Variants in MYZAP observed in about 807,000 individuals in gnomAD.
MYZAP encodes the protein GRINL1A complex locus upstream.
In MYZAP, 66 loss-of-function variants were observed where a neutral mutation model predicts 69.4. The observed-to-expected ratio is 0.95, with a 90% CI of 0.78 to 1.17. The LOEUF (loss-of-function observed/expected upper bound fraction) is 1.17. MYZAP is among the 50% of genes most tolerant of loss of function. The probability of loss-of-function intolerance (pLI) is 0.00; values close to 1 mark genes in which losing one functional copy is unlikely to be tolerated. For missense variants in MYZAP, 611 were observed against 556.2 expected (o/e 1.10, Z -0.99); for synonymous variants, 256 against 205.9 (o/e 1.24, Z -2.09).
At chr15:57,611,402 C>A (rs143229680) in intron 2 of MYZAP, among the ~76,000 whole-genome samples, 2 of 152,168 alleles carry the variant, frequency 1.3e-5, no homozygotes, top group Non-Finnish European at 2.9e-5. Context: ...GTGTACTATA[C>A]CCCTGGGTTC....
chr15:57,638,848 C>G (rs1426009107), intron 9 of MYZAP, among the ~76,000 whole-genome samples: 1 of 152,148 alleles, frequency 6.6e-6, no homozygotes, highest in African/African-American at 2.4e-5. Context: ...TTGCTGGACC[C>G]CTTCTTCCCC....
At chr15:57,595,640 G>C (rs1180533256) in intron 1 of MYZAP, among the ~76,000 whole-genome samples, 3 of 152,120 alleles carry the variant, frequency 2.0e-5, no homozygotes, top group African/African-American at 7.2e-5. Flanking sequence ...TGGCTAAGCT[G>C]TTCTGATCCT....
At chr15:57,628,022 T>C (rs2036265355) in intron 5 of MYZAP, among the ~76,000 whole-genome samples, 1 of 152,134 alleles carries the variant, frequency 6.6e-6, no homozygotes, top group Non-Finnish European at 1.5e-5. Flanking sequence ...GCTTATATTG[T>C]CCAAAGTAGA....
Position 57,674,958 on chromosome 15 carries a change from T to C in MYZAP, c.1204-10T>C. On this transcript the variant is annotated splice_polypyrimidine_tract_variant and intron_variant, in intron 11 of 12. Coordinates refer to ENST00000267853, the MANE Select transcript of MYZAP (RefSeq NM_001018100.5). ...GACTTACTGAAAGTACCTTTTTTTC[T>C]CATCTCCAGAATAATGAACTACAAA... The C allele has an allele frequency of 2.5e-6, 4 of 1,605,182 alleles. No individual in the cohort carries two copies. Among genetic ancestry groups the C allele is most frequent in the Non-Finnish European group, 3.4e-6 (4 of 1,176,796 alleles).
At chr15:57,671,006 T>A (rs2038841271) in intron 11 of MYZAP, among the ~76,000 whole-genome samples, 2 of 152,116 alleles carry the variant, frequency 1.3e-5, no homozygotes, top group East Asian at 3.9e-4. Context: ...TTAAAGAAAT[T>A]AAGAGAAACT....
At chr15:57,638,898 TTAA>T (rs2036969098) in intron 9 of MYZAP, among the ~76,000 whole-genome samples, 1 of 152,212 alleles carries the variant, frequency 6.6e-6, no homozygotes, top group African/African-American at 2.4e-5. Flanking sequence ...TTCCAATATG[TTAA>T]TAACCCCAAA....
intron 7 of MYZAP, among the ~76,000 whole-genome samples, chr15:57,633,137 G>A (rs1204362740): frequency 1.3e-5 from 2 of 152,222 alleles, no homozygotes; most frequent in African/African-American, 2.4e-5. Flanking sequence ...GGGACTCCAT[G>A]TCTGGCTCAT....
intron 10 of MYZAP, chr15:57,646,388 C>T: frequency 8.7e-7 from 1 of 1,149,446 alleles, no homozygotes; most frequent in Non-Finnish European, 1.1e-6. Flanking sequence ...TACTGTCACC[C>T]TGACTTGTAC....
At chr15:57,680,454 GT>G (rs777738322) in intron 12 of MYZAP, among the ~76,000 whole-genome samples, 48 of 151,344 alleles carry the variant, frequency 3.2e-4, no homozygotes, top group Non-Finnish European at 6.2e-4. Flanking sequence ...AAGGGAAGGG[GT>G]GAGAGGGGAC....
intron 1 of MYZAP, among the ~76,000 whole-genome samples, chr15:57,596,624 C>T (rs574691056): frequency 2.0e-5 from 3 of 152,288 alleles, no homozygotes; most frequent in East Asian, 1.9e-4. Flanking sequence ...TCTCCTGACT[C>T]GTCTGCTTCA....
intron 1 of MYZAP, among the ~76,000 whole-genome samples, chr15:57,598,698 A>G (rs1283311023): frequency 6.6e-6 from 1 of 152,200 alleles, no homozygotes; most frequent in East Asian, 1.9e-4. Flanking sequence ...GTGCTTCTCT[A>G]TCATGCATTT....
At chr15:57,667,944 C>T (rs1292757491) in intron 11 of MYZAP, among the ~76,000 whole-genome samples, 2 of 151,952 alleles carry the variant, frequency 1.3e-5, no homozygotes, top group South Asian at 4.2e-4. Flanking sequence ...AATTCTTGAT[C>T]TTTTTTTTCT....
intron 10 of MYZAP, among the ~76,000 whole-genome samples, chr15:57,654,029 A>AAAAAAAAAAAAAAT (rs2037868038): frequency 2.8e-5 from 1 of 35,704 alleles, no homozygotes; most frequent in African/African-American, 6.9e-5. Flanking sequence ...AAAAAAAAAA[A>AAAAAAAAAAAAAAT]AAAGTCCCTA....
At chr15:57,608,119 C>A (rs879630757) in intron 2 of MYZAP, among the ~76,000 whole-genome samples, 3 of 152,210 alleles carry the variant, frequency 2.0e-5, no homozygotes, top group Non-Finnish European at 2.9e-5. Context: ...CGATTGACTT[C>A]TGTTGCAGTG....
At chr15:57,633,492 C>T (rs1186330705) in intron 7 of MYZAP, 121 bp from the exon 8 acceptor site, 40 of 1,345,922 alleles carry the variant, frequency 3.0e-5, no homozygotes, top group African/African-American at 5.9e-5. Context: ...GAGACACTTT[C>T]AGGTTCCAAG....
chr15:57,643,837 T>C (rs1254683665), intron 10 of MYZAP, among the ~76,000 whole-genome samples: 2 of 152,150 alleles, frequency 1.3e-5, no homozygotes, highest in South Asian at 2.1e-4. Context: ...ATTTGTGATA[T>C]AGGAAATGTT....
chr15:57,677,796 G>T (rs2039214989), intron 12 of MYZAP, among the ~76,000 whole-genome samples: 1 of 152,152 alleles, frequency 6.6e-6, no homozygotes, highest in Non-Finnish European at 1.5e-5. Flanking sequence ...TCAGCCTTGG[G>T]CAAGTTACTT....
intron 11 of MYZAP, 129 bp downstream of exon 11, chr15:57,661,662 T>C (rs1224933557): frequency 1.3e-6 from 1 of 787,300 alleles, no homozygotes; most frequent in Admixed American, 3.4e-5. Flanking sequence ...GAGGGTTAAG[T>C]GCCAGCCTTG....
At chr15:57,600,302 C>G (rs756974772) in intron 1 of MYZAP, among the ~76,000 whole-genome samples, 2 of 152,206 alleles carry the variant, frequency 1.3e-5, no homozygotes, top group Admixed American at 6.5e-5. Flanking sequence ...ATCAAAGCAC[C>G]TCTGTTGACA....
Sources: gnomAD v4.1 joint callset for allele counts (sites outside exome capture counted in the v4.1 genomes callset) on GRCh38, gnomAD v4.1.1 for gene constraint, MANE v1.5 for transcripts, NCBI Gene and HGNC (gene_info 2026-07-23, HGNC 2026-07-21) for gene names.